KLHL21: variants seen among roughly 807,000 people sequenced by gnomAD.
KLHL21 encodes kelch like family member 21, also known as kelch-like protein 21.
A neutral mutation model predicts 44.1 loss-of-function variants in KLHL21; 42 were observed. The ratio of observed to expected loss-of-function variants is 0.95; its 90% CI spans 0.74 to 1.23. KLHL21 has a LOEUF of 1.23. KLHL21 is among the 50% of genes most tolerant of loss of function. The pLI is 0.00. For missense variants in KLHL21, 918 were observed against 889.1 expected (o/e 1.03, Z -0.41); for synonymous variants, 524 against 411.6 (o/e 1.27, Z -3.31).
At chr1:6,601,727 G>A in intron 1 of KLHL21, 70 bp downstream of exon 1, 1 of 1,464,892 alleles carries the variant, frequency 6.8e-7, no homozygotes, top group East Asian at 2.5e-5. Flanking sequence ...CGCTTCCCCC[G>A]CGAATAGCTG....
intron 2 of KLHL21, among the ~76,000 whole-genome samples, chr1:6,598,122 G>C (rs952418569): frequency 6.6e-6 from 1 of 152,244 alleles, no homozygotes; most frequent in Non-Finnish European, 1.5e-5. Context: ...AATGGAACAA[G>C]CACTGTGGGC....
At chr1:6,599,769 C>G (rs1488393238) in intron 1 of KLHL21, 2 of 336,548 alleles carry the variant, frequency 5.9e-6, no homozygotes, top group African/African-American at 2.1e-5. Flanking sequence ...GACCAGAGCC[C>G]TGGGCCTTGG....
At chr1:6,601,679 T>C (rs2148704118) in intron 1 of KLHL21, 118 bp downstream of exon 1, 6 of 1,420,204 alleles carry the variant, frequency 4.2e-6, no homozygotes, top group East Asian at 2.6e-5. Flanking sequence ...GAGCCCCAGC[T>C]TGGACTCAGG....
chr1:6,598,764 T>A (rs1374342861), intron 2 of KLHL21, among the ~76,000 whole-genome samples: 1 of 152,024 alleles, frequency 6.6e-6, no homozygotes, highest in Non-Finnish European at 1.5e-5. Flanking sequence ...GCGCCTGTAG[T>A]CCCAGCTACT....
rs1481495874 is a variant in KLHL21 at position 6,601,782 on chromosome 1, C to T, written c.1021+15G>A. 12 of 1,555,724 alleles carry T rather than the reference C, an allele frequency of 7.7e-6. No homozygotes were observed. Among genetic ancestry groups the T allele is most frequent in the Non-Finnish European group, 1.0e-5 (12 of 1,147,306 alleles). On this transcript the variant is annotated intron_variant, in intron 1 of 3. Transcript: ENST00000377658. ...TTCAACCCCAGAGAGCCTGCCCAGCCCCTGGCCCACTCACCCGTCACGTAG... is the reference window on the plus strand; with the variant it reads ...TTCAACCCCAGAGAGCCTGCCCAGCTCCTGGCCCACTCACCCGTCACGTAG...
Position 6,593,410 on chromosome 1 carries a change from G to T in KLHL21, c.1749C>A (p.Asp583Glu). Residue 583 changes from aspartate to glutamate, a missense_variant, in exon 4 of 4, where the codon GAC becomes GAA. Asp to Glu is a conservative substitution (Grantham distance 45). Coordinates refer to ENST00000377658, the MANE Select transcript of KLHL21 (RefSeq NM_014851.4). The part of the protein sequence containing the change: ...FELDSGSDDM[D>E]PGRPRPPRDP... The stretch of plus-strand genomic sequence containing the variant: ...CCCGCGGCGGCCGGGGTCGGCCTGG[G>T]TCCATGTCATCGCTGCCACTGTCCA... 6.2e-7 allele frequency: 1 copy of T among 1,610,922 alleles called. No individual in the cohort carries two copies. The highest frequency in any genetic ancestry group is 8.5e-7 in the Non-Finnish European group (1 of 1,179,010).
intron 1 of KLHL21, among the ~76,000 whole-genome samples, chr1:6,600,952 AGTGGGCTCTCT>A (rs1316747280): frequency 6.6e-6 from 1 of 152,190 alleles, no homozygotes; most frequent in Non-Finnish European, 1.5e-5. Flanking sequence ...CACGTCCCAG[AGTGGGCTCTCT>A]CGCGAACATG....
chr1:6,601,809 T>A lies in KLHL21; in HGVS notation c.1009A>T (p.Ile337Phe). The change falls in exon 1 of 4, where the codon ATC becomes TTC. Residue 337 changes from isoleucine to phenylalanine, a missense_variant. Coordinates refer to ENST00000377658, the MANE Select transcript of KLHL21 (RefSeq NM_014851.4). ...GYSIVALGND[I>F]YVTGGSDGSR... ...CTGGCCCACTCACCCGTCACGTAGATGTCATTGCCCAGCGCCACGATGCTG... is the reference window on the plus strand; with the variant it reads ...CTGGCCCACTCACCCGTCACGTAGAAGTCATTGCCCAGCGCCACGATGCTG... 1 of 1,578,520 alleles carries A rather than the reference T, an allele frequency of 6.3e-7. No individual in the cohort carries two copies. The highest frequency in any genetic ancestry group is 8.6e-7 in the Non-Finnish European group (1 of 1,161,308).
At position 6,602,743 on chromosome 1, in the gene KLHL21, C is replaced by T. The variant is rs1641054842; in HGVS notation, c.75G>A (p.Leu25=). ...ACTTGCGCTCGGCGCGCAGCTGGCT[C>T]AGGCCGCGCAGCAGGCTCAGGGCGT... The part of the protein sequence containing the change: ...PAHALSLLRG[L]SQLRAERKFL... The change falls in exon 1 of 4, where the codon CTG becomes CTA. Residue 25 remains leucine, a synonymous_variant. Coordinates refer to ENST00000377658, the MANE Select transcript of KLHL21 (RefSeq NM_014851.4). The T allele has an allele frequency of 2.0e-6, 3 of 1,510,722 alleles. No homozygotes were observed. Among genetic ancestry groups the T allele is most frequent in the Non-Finnish European group, 1.8e-6 (2 of 1,137,108 alleles). The allele number at this position is 1,510,722 out of a possible 1,614,324, so 93.6% of individuals were successfully genotyped here.
intron 2 of KLHL21, among the ~76,000 whole-genome samples, chr1:6,595,846 A>C (rs1640919283): frequency 6.6e-6 from 1 of 152,122 alleles, no homozygotes; most frequent in African/African-American, 2.4e-5. Flanking sequence ...CCCATCACCC[A>C]GTACCAAGGT....
In KLHL21 at chr1:6,595,451, T is replaced by G. The variant is rs537024154; in HGVS notation, c.1500+34A>C. On this transcript the variant is annotated intron_variant, in intron 3 of 3. Coordinates refer to ENST00000377658, the MANE Select transcript of KLHL21 (RefSeq NM_014851.4). ...TTGGGTTGCAAAATCAGGACCAGCC[T>G]GTGCTTCCAATGCTGGCCCGCCTGA... The G allele has an allele frequency of 6.2e-6, 10 of 1,608,282 alleles. 1 individual carries two copies. The East Asian group carries it at 2.0e-4, about 32-fold the overall frequency.
rs1316976071 is a variant in KLHL21 at position 6,602,137 on chromosome 1, G to A, written c.681C>T (p.Pro227=). The A allele has an allele frequency of 2.1e-6, 3 of 1,423,670 alleles. No individual in the cohort carries two copies. Among genetic ancestry groups the A allele is most frequent in the Admixed American group, 6.4e-5 (2 of 31,100 alleles). 88.2% of individuals were successfully genotyped at this position (1,423,670 alleles called of 1,614,324 possible). A position where few individuals can be genotyped will look rare whatever the true frequency, so the allele number is the denominator to read the frequency against. Residue 227 remains proline, a synonymous_variant, in exon 1 of 4, where the codon CCC becomes CCT. Coordinates refer to ENST00000377658, the MANE Select transcript of KLHL21 (RefSeq NM_014851.4). ...WPQLLEAVRL[P]FVRRFYLLAH... The stretch of plus-strand genomic sequence containing the variant: ...CCAACAGGTAGAAGCGGCGCACGAA[G>A]GGCAGGCGCACGGCCTCCAGCAGCT...
At chr1:6,600,786 C>T (rs1641005539) in intron 1 of KLHL21, among the ~76,000 whole-genome samples, 1 of 152,218 alleles carries the variant, frequency 6.6e-6, no homozygotes, top group South Asian at 2.1e-4. Flanking sequence ...GACACGGTCC[C>T]CAATCAACTT....
chr1:6,599,614 T>C (rs1640986763), intron 1 of KLHL21, 162 bp from the exon 2 acceptor site: 1 of 730,650 alleles, frequency 1.4e-6, no homozygotes, highest in Non-Finnish European at 2.2e-6. Context: ...CCACATGTTG[T>C]GGCTAAGGCA....
intron 3 of KLHL21, 177 bp downstream of exon 3, chr1:6,595,308 T>G: frequency 1.4e-6 from 1 of 689,792 alleles, no homozygotes; most frequent in South Asian, 1.6e-5. Flanking sequence ...GGGTATTACT[T>G]AACATCTGTG....
intron 2 of KLHL21, 34 bp from the exon 3 acceptor site, chr1:6,595,591 G>C (rs1210752854): frequency 1.3e-6 from 2 of 1,582,820 alleles, no homozygotes; most frequent in Non-Finnish European, 1.7e-6. Context: ...CAACTGCTCA[G>C]AGCGAGGAGG....
intron 2 of KLHL21, among the ~76,000 whole-genome samples, chr1:6,596,483 T>C (rs559362460): frequency 1.4e-4 from 21 of 152,262 alleles, no homozygotes; most frequent in African/African-American, 4.6e-4. Flanking sequence ...CAACAGTAGT[T>C]GTGAACCTGA....
Position 6,602,418 on chromosome 1 carries a change from C to T in KLHL21, c.400G>A (p.Asp134Asn), listed in dbSNP as rs1373866915. The change falls in exon 1 of 4, where the codon GAC becomes AAC. Residue 134 changes from aspartate (D) to asparagine (N), a missense_variant. Transcript: ENST00000377658. ...TGCATGTCCAGGCAGTTGGCCAGGT[C>T]GAGCTGCTGCTGCAGGAAGGCCCCG... The part of the protein sequence containing the change: ...ACGAFLQQQL[D>N]LANCLDMQDF... The T allele has an allele frequency of 1.3e-6, 2 of 1,595,986 alleles. No individual in the cohort carries two copies. Among genetic ancestry groups the T allele is most frequent in the Non-Finnish European group, 1.7e-6 (2 of 1,175,408 alleles).
At chr1:6,595,275 G>A in intron 3 of KLHL21, 3 of 648,488 alleles carry the variant, frequency 4.6e-6, no homozygotes, top group South Asian at 1.8e-5. Context: ...CTGCTCAAAT[G>A]TGTACTAAGC....
Sources: allele counts gnomAD v4.1 joint callset (sites outside exome capture counted in the v4.1 genomes callset), GRCh38; gene constraint gnomAD v4.1.1; transcripts MANE v1.5; gene names NCBI Gene and HGNC (gene_info 2026-07-23, HGNC 2026-07-21).